TEC: variants seen among roughly 807,000 people sequenced by gnomAD.
TEC encodes the protein tyrosine-protein kinase Tec.
Under a neutral mutation model 93.0 loss-of-function variants are expected in TEC, and 72 were observed. The ratio of observed to expected loss-of-function variants is 0.77; its 90% CI spans 0.64 to 0.94. The LOEUF (loss-of-function observed/expected upper bound fraction) is 0.94, where lower values mean the gene tolerates loss of function less well. TEC is among the 40% of genes least tolerant of loss of function. The pLI is 0.00. For synonymous variants in TEC, 249 were observed against 247.7 expected, an observed-to-expected ratio of 1.01 and a Z score of -0.05; for missense variants, 630 against 757.9, an observed-to-expected ratio of 0.83 and a Z score of 1.98.
intron 2 of TEC, among the ~76,000 whole-genome samples, chr4:48,190,284 A>G (rs1339152311): frequency 6.6e-6 from 1 of 152,158 alleles, no homozygotes; most frequent in African/African-American, 2.4e-5. Flanking sequence ...CATGGAGCCA[A>G]TTTCTAAAGA....
intron 2 of TEC, among the ~76,000 whole-genome samples, chr4:48,227,660 A>C (rs1334570669): frequency 6.6e-6 from 1 of 151,612 alleles, no homozygotes; most frequent in East Asian, 1.9e-4. Flanking sequence ...AAAAAAAAAA[A>C]ACTAAACCAG....
rs1157748239 is a variant in TEC at position 48,242,981 on chromosome 4, C to T, written c.-45-14322G>A. 2.6e-5 allele frequency among the ~76,000 whole-genome samples: 4 copies of T among 152,154 alleles called. No individual in the cohort carries two copies. The East Asian group carries it at 7.7e-4, about 29-fold the overall frequency. On this transcript the variant is annotated intron_variant, in intron 1 of 17. Coordinates refer to ENST00000381501, the MANE Select transcript of TEC (RefSeq NM_003215.3). ...TGAGCTCTAATGTTGTCTTTAGCCC[C>T]CAAATGTAATTATTCTATGTAGCTT...
chr4:48,152,308 C>T (rs1278868680), intron 9 of TEC, among the ~76,000 whole-genome samples: 3 of 151,822 alleles, frequency 2.0e-5, no homozygotes, highest in Non-Finnish European at 2.9e-5. Context: ...CGTGGTGGTG[C>T]GCGCCTGTAA....
intron 1 of TEC, among the ~76,000 whole-genome samples, chr4:48,253,401 C>T (rs35103777): frequency 0.16 from 24,091 of 151,956 alleles, 2,478 homozygotes; most frequent in Non-Finnish European, 0.23. Context: ...CTTTCTTTAA[C>T]TGTTTTAATT....
At position 48,179,338 on chromosome 4, in the gene TEC, G is replaced by GTATA. The variant is rs61241595; in HGVS notation, c.139-3156_139-3153dup. Reference sequence around the variant, plus strand: ...CAACTATCATGTAATGACGTGGGTAGTATATATATATATATATATATATAT... The same window carrying GTATA: ...CAACTATCATGTAATGACGTGGGTAGTATATATATATATATATATATATATATAT... On this transcript the variant is annotated intron_variant, in intron 2 of 17. Coordinates refer to ENST00000381501, the MANE Select transcript of TEC (RefSeq NM_003215.3). 5.7e-3 allele frequency among the ~76,000 whole-genome samples: 292 copies of GTATA among 51,592 alleles called. 5 individuals are homozygous for GTATA. Among genetic ancestry groups the GTATA allele is most frequent in the South Asian group, 8.0e-3 (10 of 1,248 alleles). 33.8% of individuals were successfully genotyped at this position (51,592 alleles called of 152,430 possible).
intron 2 of TEC, among the ~76,000 whole-genome samples, chr4:48,179,360 ATATATATATATATATATTTTTTTT>A (rs1276768653): frequency 1.5e-4 from 6 of 40,470 alleles, no homozygotes; most frequent in Non-Finnish European, 2.6e-4. Flanking sequence ...ATATATATAT[ATATATATATATATATATTTTTTTT>A]TTTTTTTTTT....
At chr4:48,238,683 T>A (rs1401150282) in intron 1 of TEC, among the ~76,000 whole-genome samples, 3 of 149,574 alleles carry the variant, frequency 2.0e-5, no homozygotes, top group Non-Finnish European at 4.4e-5. Flanking sequence ...TGTAAATTTA[T>A]ATATATGTAT....
At chr4:48,183,146 C>A (rs1329981832) in intron 2 of TEC, among the ~76,000 whole-genome samples, 2 of 152,218 alleles carry the variant, frequency 1.3e-5, no homozygotes, top group Non-Finnish European at 2.9e-5. Flanking sequence ...ATCCTGACTT[C>A]TAGCCTCTGC....
intron 1 of TEC, among the ~76,000 whole-genome samples, chr4:48,262,986 T>A (rs1342336091): frequency 6.6e-6 from 1 of 152,232 alleles, no homozygotes; most frequent in Non-Finnish European, 1.5e-5. Flanking sequence ...CTGACTCTTG[T>A]CATCATGTGT....
chr4:48,164,621 G>C (rs930818522), intron 7 of TEC, among the ~76,000 whole-genome samples: 2 of 151,760 alleles, frequency 1.3e-5, no homozygotes, highest in Non-Finnish European at 2.9e-5. Flanking sequence ...CAGAAGGAAC[G>C]GCAATCCAGC....
At chr4:48,256,633 A>T (rs1724354183) in intron 1 of TEC, among the ~76,000 whole-genome samples, 1 of 150,798 alleles carries the variant, frequency 6.6e-6, no homozygotes, top group Admixed American at 6.6e-5. Context: ...TTTTGCATAA[A>T]TTAGGAAAAA....
chr4:48,139,828 C>T (rs1201857843), intron 15 of TEC, among the ~76,000 whole-genome samples: 1 of 152,138 alleles, frequency 6.6e-6, no homozygotes, highest in Non-Finnish European at 1.5e-5. Context: ...AGAAAATTTT[C>T]GAAGAATTGC....
At chr4:48,231,572 C>G (rs563239870) in intron 1 of TEC, among the ~76,000 whole-genome samples, 3 of 151,938 alleles carry the variant, frequency 2.0e-5, no homozygotes, top group African/African-American at 7.3e-5. Context: ...CTGGCTAACA[C>G]GGTGAAACCC....
intron 2 of TEC, among the ~76,000 whole-genome samples, chr4:48,201,864 C>T (rs1464225374): frequency 6.6e-6 from 1 of 152,064 alleles, no homozygotes; most frequent in Non-Finnish European, 1.5e-5. Flanking sequence ...AGAGAACCAA[C>T]AGCCCAGTCA....
intron 11 of TEC, among the ~76,000 whole-genome samples, chr4:48,147,194 A>T (rs1719953228): frequency 6.6e-6 from 1 of 152,234 alleles, no homozygotes; most frequent in Non-Finnish European, 1.5e-5. Context: ...AGAATGAGAT[A>T]TAAATTGATA....
chr4:48,227,067 T>TAC (rs1160462784), intron 2 of TEC, among the ~76,000 whole-genome samples: 1 of 152,062 alleles, frequency 6.6e-6, no homozygotes, highest in African/African-American at 2.4e-5. Flanking sequence ...TACACACACA[T>TAC]ACACACACAC....
At chr4:48,245,771 GA>G (rs141112584) in intron 1 of TEC, among the ~76,000 whole-genome samples, 1 of 151,928 alleles carries the variant, frequency 6.6e-6, no homozygotes, top group Non-Finnish European at 1.5e-5. Context: ...CGACTTCTAG[GA>G]AAAAAGTCTG....
intron 2 of TEC, among the ~76,000 whole-genome samples, chr4:48,184,527 T>G (rs1721721457): frequency 1.3e-5 from 2 of 152,220 alleles, no homozygotes; most frequent in Admixed American, 1.3e-4. Flanking sequence ...CTTATATTAC[T>G]GTGTGCCACA....
chr4:48,242,318 A>G (rs747267613), intron 1 of TEC, among the ~76,000 whole-genome samples: 1 of 152,258 alleles, frequency 6.6e-6, no homozygotes, highest in African/African-American at 2.4e-5. Context: ...CACACAAAAT[A>G]AAATATAATA....
Sources: allele counts gnomAD v4.1 joint callset (sites outside exome capture counted in the v4.1 genomes callset), GRCh38; gene constraint gnomAD v4.1.1; transcripts MANE v1.5; gene names NCBI Gene and HGNC (gene_info 2026-07-23, HGNC 2026-07-21).